Variants in GPC5 observed in about 807,000 individuals in gnomAD.
The protein encoded by GPC5 is glypican-5.
Under a neutral mutation model 53.9 loss-of-function variants are expected in GPC5, and 47 were observed. That is an observed-to-expected ratio of 0.87 (90% confidence interval 0.69 to 1.11). The LOEUF is 1.11. Ranked by LOEUF, GPC5 falls within the 50% of genes most tolerant of loss-of-function variation. The pLI is 0.00. For missense variants in GPC5, 748 were observed against 713.1 expected (o/e 1.05, Z -0.56); for synonymous variants, 286 against 263.3 (o/e 1.09, Z -0.84).
At chr13:91,905,406 C>G (rs117181186) in intron 5 of GPC5, among the ~76,000 whole-genome samples, 57 of 152,038 alleles carry the variant, frequency 3.7e-4, no homozygotes, top group Non-Finnish European at 6.6e-4. Flanking sequence ...ACTGCCAAAT[C>G]CCTAATGAAT....
chr13:92,381,875 TATG>T (rs1235879854), intron 7 of GPC5, among the ~76,000 whole-genome samples: 1 of 98,962 alleles, frequency 1.0e-5, no homozygotes, highest in Non-Finnish European at 2.1e-5. Context: ...ATATCATATA[TATG>T]ATTATATATA....
At chr13:92,411,900 G>A (rs1876059021) in intron 7 of GPC5, among the ~76,000 whole-genome samples, 4 of 152,140 alleles carry the variant, frequency 2.6e-5, no homozygotes, top group African/African-American at 7.2e-5. Flanking sequence ...TGGTGCAAAA[G>A]TAATTGCGGT....
chr13:91,571,029 G>T (rs1424136459), intron 2 of GPC5, among the ~76,000 whole-genome samples: 2 of 152,040 alleles, frequency 1.3e-5, no homozygotes, highest in African/African-American at 4.8e-5. Flanking sequence ...TTGTCTGATA[G>T]TTCAGTCTGT....
chr13:92,215,105 A>T (rs374738732), intron 7 of GPC5, among the ~76,000 whole-genome samples: 12 of 152,206 alleles, frequency 7.9e-5, no homozygotes, highest in Non-Finnish European at 1.8e-4. Context: ...TGAAACCCTA[A>T]AAGGGAGATT....
intron 7 of GPC5, among the ~76,000 whole-genome samples, chr13:92,522,707 T>C (rs1301578206): frequency 6.6e-6 from 1 of 152,102 alleles, no homozygotes; most frequent in African/African-American, 2.4e-5. Context: ...ACATGGCACA[T>C]GTATGCATAT....
chr13:91,410,765 A>G (rs1247713027), intron 1 of GPC5, among the ~76,000 whole-genome samples: 1 of 152,266 alleles, frequency 6.6e-6, no homozygotes, highest in African/African-American at 2.4e-5. Context: ...AATATACTAA[A>G]TATTTTATTA....
chr13:91,853,230 C>A (rs2038933087), intron 5 of GPC5, among the ~76,000 whole-genome samples: 1 of 151,984 alleles, frequency 6.6e-6, no homozygotes, highest in African/African-American at 2.4e-5. Flanking sequence ...CAGTCTCTAA[C>A]TTTTCAAGTT....
chr13:92,375,073 T>TA (rs1293793122), intron 7 of GPC5, among the ~76,000 whole-genome samples: 1 of 152,142 alleles, frequency 6.6e-6, no homozygotes, highest in Non-Finnish European at 1.5e-5. Flanking sequence ...TATTACCAGC[T>TA]AAAATCCCAA....
chr13:92,517,570 G>C (rs543258808), intron 7 of GPC5, among the ~76,000 whole-genome samples: 2 of 152,302 alleles, frequency 1.3e-5, no homozygotes, highest in East Asian at 3.9e-4. Flanking sequence ...CAGGCAAACA[G>C]GGTCTGGAGT....
intron 2 of GPC5, among the ~76,000 whole-genome samples, chr13:91,663,588 G>A (rs1015149904): frequency 6.6e-6 from 1 of 151,864 alleles, no homozygotes; most frequent in Non-Finnish European, 1.5e-5. Context: ...CTCTCGAGTA[G>A]CTAGGACTAC....
At chr13:91,743,092 G>C (rs2036971842) in intron 4 of GPC5, among the ~76,000 whole-genome samples, 1 of 152,044 alleles carries the variant, frequency 6.6e-6, no homozygotes, top group Non-Finnish European at 1.5e-5. Flanking sequence ...AAACCAAACT[G>C]TGAATAAATT....
chr13:91,587,173 C>G (rs894442820), intron 2 of GPC5, among the ~76,000 whole-genome samples: 1 of 151,770 alleles, frequency 6.6e-6, no homozygotes, highest in African/African-American at 2.4e-5. Flanking sequence ...GCGTTAATAA[C>G]GAAGTTTTGG....
intron 6 of GPC5, among the ~76,000 whole-genome samples, chr13:92,035,329 C>G (rs561123976): frequency 1.3e-5 from 2 of 152,242 alleles, no homozygotes; most frequent in African/African-American, 4.8e-5. Flanking sequence ...TACTTCCTCT[C>G]CCTGGCAGTG....
intron 6 of GPC5, among the ~76,000 whole-genome samples, chr13:92,059,604 T>C (rs1451872259): frequency 6.6e-6 from 1 of 152,074 alleles, no homozygotes; most frequent in African/African-American, 2.4e-5. Flanking sequence ...ATACCTGATG[T>C]CATTTATAAT....
intron 5 of GPC5, among the ~76,000 whole-genome samples, chr13:91,765,276 A>G (rs1047042551): frequency 3.9e-5 from 6 of 152,230 alleles, no homozygotes; most frequent in African/African-American, 1.2e-4. Flanking sequence ...TAGCAGTTCA[A>G]TCAGCTTTCT....
At chr13:92,519,955 C>A (rs560426674) in intron 7 of GPC5, among the ~76,000 whole-genome samples, 2 of 151,990 alleles carry the variant, frequency 1.3e-5, no homozygotes, top group Non-Finnish European at 2.9e-5. Context: ...ATATCACCAC[C>A]GATCCCACAG....
intron 7 of GPC5, among the ~76,000 whole-genome samples, chr13:92,423,986 C>A (rs1188491419): frequency 6.7e-6 from 1 of 148,198 alleles, no homozygotes; most frequent in Non-Finnish European, 1.5e-5. Flanking sequence ...ATTAATATTT[C>A]TGCATTATTG....
intron 6 of GPC5, among the ~76,000 whole-genome samples, chr13:92,001,122 T>G (rs548736032): frequency 3.9e-5 from 6 of 152,192 alleles, no homozygotes; most frequent in African/African-American, 9.6e-5. Context: ...ATAATAGGCA[T>G]AGCATAGTTT....
chr13:91,870,765 A>G (rs1566314234), intron 5 of GPC5, among the ~76,000 whole-genome samples: 1 of 152,148 alleles, frequency 6.6e-6, no homozygotes, highest in African/African-American at 2.4e-5. Flanking sequence ...TATTTGAGTT[A>G]TTTTTTTCTG....
Sources: gnomAD v4.1 joint callset for allele counts (sites outside exome capture counted in the v4.1 genomes callset) on GRCh38, gnomAD v4.1.1 for gene constraint, MANE v1.5 for transcripts, NCBI Gene and HGNC (gene_info 2026-07-23, HGNC 2026-07-21) for gene names.